Variants in CADM2 observed in about 807,000 individuals in gnomAD.
CADM2 encodes cell adhesion molecule 2.
Under a neutral mutation model 49.8 loss-of-function variants are expected in CADM2, and 12 were observed. The observed-to-expected ratio is 0.24, with a 90% CI of 0.15 to 0.39. CADM2 has a LOEUF of 0.39. Among genes scored for constraint, CADM2 ranks in the 10% least tolerant of loss-of-function variants. CADM2 has a pLI of 1.00. For missense variants in CADM2, 378 were observed against 492.3 expected (o/e 0.77, Z 2.20); for synonymous variants, 214 against 175.4 (o/e 1.22, Z -1.74).
chr3:85,390,072 T>C (rs943109507), intron 1 of CADM2, among the ~76,000 whole-genome samples: 31 of 152,174 alleles, frequency 2.0e-4, no homozygotes, highest in Admixed American at 9.8e-4. Flanking sequence ...TATATAAATA[T>C]GAAAAACACA....
intron 3 of CADM2, among the ~76,000 whole-genome samples, chr3:85,878,326 C>T (rs1432675710): frequency 1.3e-5 from 2 of 152,026 alleles, no homozygotes; most frequent in Admixed American, 1.3e-4. Context: ...GTAACTTGCT[C>T]AAGTTAATAT....
intron 8 of CADM2, among the ~76,000 whole-genome samples, chr3:85,995,952 T>G (rs1475454486): frequency 6.6e-6 from 1 of 151,638 alleles, no homozygotes; most frequent in African/African-American, 2.4e-5. Flanking sequence ...TAGCCAGGCG[T>G]GGTGGCGGTC....
At chr3:85,035,707 C>G (rs559416201) in intron 1 of CADM2, among the ~76,000 whole-genome samples, 79 of 152,080 alleles carry the variant, frequency 5.2e-4, no homozygotes, top group Admixed American at 1.6e-3. Flanking sequence ...GTTTTTTGCA[C>G]TTTTGTCAAA....
chr3:85,598,870 T>TAG (rs1026255172), intron 1 of CADM2, among the ~76,000 whole-genome samples: 3 of 151,822 alleles, frequency 2.0e-5, no homozygotes, highest in African/African-American at 7.2e-5. Context: ...TATATATATA[T>TAG]ATAGATTTAT....
At chr3:85,845,108 AT>A (rs142662157) in intron 3 of CADM2, among the ~76,000 whole-genome samples, 2,847 of 148,132 alleles carry the variant, frequency 0.019, 57 homozygotes, top group East Asian at 0.048. Context: ...GTGAGCCATG[AT>A]TGAGCCACTG....
intron 1 of CADM2, among the ~76,000 whole-genome samples, chr3:85,431,934 T>C (rs1489484582): frequency 2.5e-5 from 3 of 122,396 alleles, no homozygotes; most frequent in Non-Finnish European, 3.4e-5. Flanking sequence ...TTTTATAGAG[T>C]AGGCTAGGAA....
chr3:85,853,933 T>C (rs2075205153), intron 3 of CADM2, among the ~76,000 whole-genome samples: 1 of 152,122 alleles, frequency 6.6e-6, no homozygotes, highest in Non-Finnish European at 1.5e-5. Context: ...TTTAGGTGTA[T>C]AAATATAAAA....
chr3:85,870,417 C>G (rs559536292), intron 3 of CADM2, among the ~76,000 whole-genome samples: 1 of 152,092 alleles, frequency 6.6e-6, no homozygotes, highest in Admixed American at 6.6e-5. Flanking sequence ...ATCCTCCATC[C>G]TCAGGTAGGC....
chr3:86,042,621 T>C (rs1358334738), intron 8 of CADM2, among the ~76,000 whole-genome samples: 8 of 152,038 alleles, frequency 5.3e-5, no homozygotes, highest in Non-Finnish European at 1.2e-4. Flanking sequence ...CAGGACCAGA[T>C]GGATTCACAG....
chr3:85,157,691 A>G (rs1380246621), intron 1 of CADM2, among the ~76,000 whole-genome samples: 1 of 152,024 alleles, frequency 6.6e-6, no homozygotes, highest in Admixed American at 6.5e-5. Flanking sequence ...AAATCAATTC[A>G]AGATGGATTA....
chr3:85,620,353 G>A (rs2063935204), intron 1 of CADM2, among the ~76,000 whole-genome samples: 1 of 151,814 alleles, frequency 6.6e-6, no homozygotes, highest in Non-Finnish European at 1.5e-5. Flanking sequence ...AAAATTCTTA[G>A]AGCAACCAAT....
intron 1 of CADM2, among the ~76,000 whole-genome samples, chr3:85,574,339 C>A (rs2062569211): frequency 1.3e-5 from 2 of 152,144 alleles, no homozygotes; most frequent in African/African-American, 2.4e-5. Flanking sequence ...GCTAAGGTAG[C>A]AAAAAATTGG....
intron 1 of CADM2, among the ~76,000 whole-genome samples, chr3:85,080,530 T>A (rs2037122911): frequency 6.6e-6 from 1 of 152,066 alleles, no homozygotes; most frequent in African/African-American, 2.4e-5. Flanking sequence ...CTCAGAATTG[T>A]CGGTAGCAGT....
intron 1 of CADM2, among the ~76,000 whole-genome samples, chr3:85,413,397 T>C (rs1221072052): frequency 1.3e-5 from 2 of 151,998 alleles, no homozygotes; most frequent in South Asian, 2.1e-4. Flanking sequence ...GGGCTTCCAT[T>C]TGATGCATAC....
At chr3:85,735,480 G>T (rs939797994) in intron 2 of CADM2, among the ~76,000 whole-genome samples, 5 of 152,114 alleles carry the variant, frequency 3.3e-5, no homozygotes, top group Non-Finnish European at 7.4e-5. Context: ...AGGATTTTTG[G>T]TATCCTTCAA....
chr3:85,199,767 A>C (rs1399152417), intron 1 of CADM2, among the ~76,000 whole-genome samples: 2 of 152,072 alleles, frequency 1.3e-5, no homozygotes, highest in Admixed American at 1.3e-4. Flanking sequence ...TGGGGAAAAC[A>C]AACCTGTAGT....
intron 5 of CADM2, among the ~76,000 whole-genome samples, chr3:85,908,295 C>T (rs1177928512): frequency 7.7e-6 from 1 of 130,590 alleles, no homozygotes; most frequent in Non-Finnish European, 1.6e-5. Context: ...TAACTTGAAG[C>T]ATTTAAACTT....
chr3:85,347,106 C>T (rs932039646), intron 1 of CADM2, among the ~76,000 whole-genome samples: 9 of 151,122 alleles, frequency 6.0e-5, no homozygotes, highest in East Asian at 2.0e-4. Context: ...GCCTGTGATC[C>T]GAGCTACTCT....
chr3:85,522,396 G>A (rs1187313187), intron 1 of CADM2, among the ~76,000 whole-genome samples: 1 of 152,060 alleles, frequency 6.6e-6, no homozygotes, highest in African/African-American at 2.4e-5. Context: ...GCTTCATGCA[G>A]TTCGTCCCAC....
Sources: allele counts gnomAD v4.1 joint callset (sites outside exome capture counted in the v4.1 genomes callset), GRCh38; gene constraint gnomAD v4.1.1; transcripts MANE v1.5; gene names NCBI Gene and HGNC (gene_info 2026-07-23, HGNC 2026-07-21).